CFAP44: variants seen among roughly 807,000 people sequenced by gnomAD.
CFAP44 encodes cilia and flagella associated protein 44.
Under a neutral mutation model 216.2 loss-of-function variants are expected in CFAP44, and 134 were observed. That is an observed-to-expected ratio of 0.62 (90% confidence interval 0.54 to 0.72). The LOEUF (loss-of-function observed/expected upper bound fraction) is 0.72. Ranked by LOEUF, CFAP44 falls within the 30% of genes least tolerant of loss-of-function variation. The pLI, the probability that CFAP44 is intolerant of heterozygous loss-of-function variation, is 0.00. For missense variants in CFAP44, 2,035 were observed against 2,182.1 expected, an observed-to-expected ratio of 0.93 and a Z score of 1.34; for synonymous variants, 700 against 727.6, an observed-to-expected ratio of 0.96 and a Z score of 0.61.
chr3:113,303,772 A>G, intron 32 of CFAP44, 144 bp downstream of exon 32: 1 of 842,268 alleles, frequency 1.2e-6, no homozygotes, highest in Non-Finnish European at 1.8e-6. Context: ...AACGGTGAGT[A>G]GGAAGATGTT....
intron 7 of CFAP44, among the ~76,000 whole-genome samples, 157 bp from the exon 8 acceptor site, chr3:113,407,198 C>T (rs564334954): frequency 3.9e-5 from 6 of 152,114 alleles, no homozygotes; most frequent in African/African-American, 1.4e-4. Context: ...ACTACCTGCC[C>T]GGCAAGGTTG....
chr3:113,380,176 A>C (rs1933467976), intron 16 of CFAP44, among the ~76,000 whole-genome samples: 1 of 152,212 alleles, frequency 6.6e-6, no homozygotes, highest in Non-Finnish European at 1.5e-5. Context: ...TCCCAAACTT[A>C]TATGATATCA....
In CFAP44 at chr3:113,366,039, C is replaced by T; in HGVS notation, c.2715G>A (p.Arg905=). Residue 905 remains arginine (R), a splice_region_variant and synonymous_variant, in exon 19 of 35, where the codon AGG becomes AGA. Transcript: ENST00000393845. ...KDMKAKVPSP[R]FGIETEPIPE... ...ATTAACTGGTTAATTAATTACATACCCTGGGAGATGGAACTTTGGCCTTCA... is the reference window on the plus strand; with the variant it reads ...ATTAACTGGTTAATTAATTACATACTCTGGGAGATGGAACTTTGGCCTTCA... The T allele has an allele frequency of 2.5e-6, 4 of 1,598,696 alleles. No homozygotes were observed. The highest frequency in any genetic ancestry group is 1.7e-5 in the Admixed American group (1 of 58,998).
chr3:113,386,641 A>C (rs1392922727), intron 15 of CFAP44, among the ~76,000 whole-genome samples: 1 of 152,218 alleles, frequency 6.6e-6, no homozygotes, highest in Admixed American at 6.5e-5. Flanking sequence ...AGGCAGAGCA[A>C]GATGGCTGAT....
At chr3:113,425,108 AG>A (rs1419559668) in intron 4 of CFAP44, among the ~76,000 whole-genome samples, 1 of 152,140 alleles carries the variant, frequency 6.6e-6, no homozygotes, top group Non-Finnish European at 1.5e-5. Context: ...TCCAAAGATA[AG>A]GAAAAAAAAA....
intron 9 of CFAP44, among the ~76,000 whole-genome samples, chr3:113,402,816 T>C (rs1017498660): frequency 3.3e-5 from 5 of 152,206 alleles, no homozygotes; most frequent in Non-Finnish European, 7.3e-5. Flanking sequence ...ACTTCTTTTC[T>C]CCTGAGGTTT....
At chr3:113,409,634 G>A (rs1934397614) in intron 6 of CFAP44, among the ~76,000 whole-genome samples, 1 of 152,162 alleles carries the variant, frequency 6.6e-6, no homozygotes, top group Non-Finnish European at 1.5e-5. Context: ...AAACCAGAGT[G>A]ACTCCATCTG....
intron 1 of CFAP44, among the ~76,000 whole-genome samples, chr3:113,439,341 G>T (rs1257529569): frequency 6.6e-6 from 1 of 152,048 alleles, no homozygotes; most frequent in African/African-American, 2.4e-5. Flanking sequence ...CCAAAAGACT[G>T]CAAAGACCAC....
At chr3:113,317,416 G>T (rs1326049768) in intron 28 of CFAP44, among the ~76,000 whole-genome samples, 3 of 151,668 alleles carry the variant, frequency 2.0e-5, no homozygotes, top group Admixed American at 1.3e-4. Context: ...TTTGGGACTG[G>T]GGCACATCTT....
At chr3:113,404,819 A>G (rs961237394) in intron 8 of CFAP44, among the ~76,000 whole-genome samples, 1 of 152,186 alleles carries the variant, frequency 6.6e-6, no homozygotes, top group Non-Finnish European at 1.5e-5. Flanking sequence ...AAAACAGTTA[A>G]GTAACTTGCC....
intron 4 of CFAP44, among the ~76,000 whole-genome samples, chr3:113,425,028 T>TACC (rs1301334108): frequency 6.6e-6 from 1 of 151,340 alleles, no homozygotes; most frequent in Non-Finnish European, 1.5e-5. Context: ...GACTCTAATA[T>TACC]ACCACCCCAT....
chr3:113,377,897 C>T (rs1472381115), intron 17 of CFAP44, among the ~76,000 whole-genome samples: 1 of 152,076 alleles, frequency 6.6e-6, no homozygotes, highest in Non-Finnish European at 1.5e-5. Flanking sequence ...GTGATCCACC[C>T]GCCTCGGCCT....
rs753465010 is a variant in CFAP44, at chr3:113,305,023, C to T, written c.4875+13G>A. 3 of 1,536,560 alleles carry T rather than the reference C, an allele frequency of 2.0e-6. No individual in the cohort carries two copies. In the South Asian group the frequency reaches 3.6e-5, roughly 18 times the overall value. On this transcript the variant is annotated intron_variant, in intron 31 of 34. Transcript: ENST00000393845. Reference sequence around the variant, plus strand: ...TCTCGGACAGGATGGAGCAGCCTCCCCAGACGCATCACCTGGTGGAGCTTG... The same window carrying T: ...TCTCGGACAGGATGGAGCAGCCTCCTCAGACGCATCACCTGGTGGAGCTTG...
chr3:113,347,818 T>C (rs188684504), intron 22 of CFAP44, among the ~76,000 whole-genome samples: 1 of 152,244 alleles, frequency 6.6e-6, no homozygotes, highest in East Asian at 1.9e-4. Context: ...TTTGGGGGCA[T>C]AACATCTTTA....
chr3:113,422,509 T>C (rs1447825933), intron 4 of CFAP44, among the ~76,000 whole-genome samples: 1 of 152,170 alleles, frequency 6.6e-6, no homozygotes, highest in Non-Finnish European at 1.5e-5. Flanking sequence ...ACTGGATCTG[T>C]TCAAGAAAAA....
chr3:113,309,098 T>C (rs1030306192), intron 28 of CFAP44, among the ~76,000 whole-genome samples: 1 of 152,216 alleles, frequency 6.6e-6, no homozygotes, highest in Non-Finnish European at 1.5e-5. Context: ...CAGGCTTCTC[T>C]GAGTCCTTTT....
chr3:113,289,746 C>G lies in CFAP44; in HGVS notation c.*1811G>C, dbSNP rs1022441423. The G allele has an allele frequency of 3.9e-5, 6 of 152,348 alleles. No homozygotes were observed. The highest frequency in any genetic ancestry group is 7.3e-5 in the Non-Finnish European group (5 of 68,134). The allele number at this position is 152,348 out of a possible 1,614,324, so 9.4% of individuals were successfully genotyped here. On this transcript the variant is annotated 3_prime_UTR_variant, in exon 35 of 35. Transcript: ENST00000393845. ...ACTTCTGAGCTTGGGCTGTAAAAGACTGTGGCTCTTGTATACATCATTCTC... is the reference window on the plus strand; with the variant it reads ...ACTTCTGAGCTTGGGCTGTAAAAGAGTGTGGCTCTTGTATACATCATTCTC...
At chr3:113,349,924 G>A (rs1950426635) in intron 22 of CFAP44, among the ~76,000 whole-genome samples, 1 of 152,238 alleles carries the variant, frequency 6.6e-6, no homozygotes, top group African/African-American at 2.4e-5. Context: ...GTAATTGGGA[G>A]ACTTTGTTAC....
rs1935166064 is a variant in CFAP44 at position 113,433,679 on chromosome 3, C to A, written c.-5-10G>T. On this transcript the variant is annotated splice_polypyrimidine_tract_variant and intron_variant, in intron 1 of 34. Transcript: ENST00000393845. Reference sequence around the variant, plus strand: ...GGTTCCTTCATTTCCTCTGTAAGTACAAAATGGGGATGAGATATGGATAAA... The same window carrying A: ...GGTTCCTTCATTTCCTCTGTAAGTAAAAAATGGGGATGAGATATGGATAAA... 1.9e-6 allele frequency: 3 copies of A among 1,593,894 alleles called. No individual in the cohort carries two copies. The highest frequency in any genetic ancestry group is 1.1e-5 in the South Asian group (1 of 90,678).
Sources: gnomAD v4.1 joint callset for allele counts (sites outside exome capture counted in the v4.1 genomes callset) on GRCh38, gnomAD v4.1.1 for gene constraint, MANE v1.5 for transcripts, NCBI Gene and HGNC (gene_info 2026-07-23, HGNC 2026-07-21) for gene names.